CCNB3: variants seen among roughly 807,000 people sequenced by gnomAD.
The protein encoded by CCNB3 is G2/mitotic-specific cyclin-B3.
Under a neutral mutation model 68.0 loss-of-function variants are expected in CCNB3, and 12 were observed. The ratio of observed to expected loss-of-function variants is 0.18; its 90% CI spans 0.11 to 0.29. CCNB3 has a LOEUF of 0.29. Among genes scored for constraint, CCNB3 ranks in the 10% least tolerant of loss-of-function variants. The pLI is 1.00. For missense variants in CCNB3, 904 were observed against 993.1 expected (o/e 0.91, Z 1.21); for synonymous variants, 354 against 388.9 (o/e 0.91, Z 1.06).
At position 50,207,357 on chromosome X, in the gene CCNB3, A is replaced by G. The variant is rs782627646; in HGVS notation, c.-113+2407A>G. Reference sequence around the variant, plus strand: ...TCACCTAGTGAATTTATAAATTCACATATCACATTCTGCCTTGTGGTGTAT... The same window carrying G: ...TCACCTAGTGAATTTATAAATTCACGTATCACATTCTGCCTTGTGGTGTAT... On this transcript the variant is annotated intron_variant, in intron 1 of 12. Coordinates refer to ENST00000376042, the MANE Select transcript of CCNB3 (RefSeq NM_033031.3). Among the ~76,000 whole-genome samples the G allele has an allele frequency of 2.7e-5, 3 of 112,167 alleles. No individual in the cohort carries two copies. In the East Asian group the frequency reaches 8.4e-4, roughly 31 times the overall value.
intron 9 of CCNB3, among the ~76,000 whole-genome samples, chrX:50,345,423 G>T (rs905849120): frequency 9.9e-6 from 1 of 100,876 alleles, no homozygotes; most frequent in Non-Finnish European, 2.0e-5. Context: ...TCCCTCCCTC[G>T]GTGGCTTGCT....
At chrX:50,280,274 T>G (rs1936112232) in intron 1 of CCNB3, among the ~76,000 whole-genome samples, 1 of 98,710 alleles carries the variant, frequency 1.0e-5, no homozygotes, top group African/African-American at 3.6e-5. Flanking sequence ...AATATAGATA[T>G]AAATATATGT....
At chrX:50,342,454 A>G (rs1191591057) in intron 9 of CCNB3, 115 bp downstream of exon 9, 3 of 742,598 alleles carry the variant, frequency 4.0e-6, no homozygotes, top group East Asian at 3.6e-5. Flanking sequence ...GTTTTGGTCA[A>G]TGATGGACTG....
chrX:50,312,320 G>A (rs782652693), intron 6 of CCNB3, among the ~76,000 whole-genome samples: 7 of 111,040 alleles, frequency 6.3e-5, no homozygotes, highest in Non-Finnish European at 1.1e-4. Flanking sequence ...CTAGGGCAGC[G>A]AAGGTATATA....
chrX:50,346,358 C>T (rs1443795586), intron 9 of CCNB3, among the ~76,000 whole-genome samples: 1 of 112,203 alleles, frequency 8.9e-6, no homozygotes, highest in Non-Finnish European at 1.9e-5. Context: ...ATGGCTGCTC[C>T]TAGGCCCTGT....
chrX:50,286,492 G>A (rs1046004310), intron 3 of CCNB3, among the ~76,000 whole-genome samples: 6 of 110,369 alleles, frequency 5.4e-5, no homozygotes, highest in African/African-American at 2.0e-4. Context: ...TAGAGACGGG[G>A]TTTCACCATC....
rs147148803 is a variant in CCNB3, at chrX:50,298,871, G to T, written c.335+3878G>T. Among the ~76,000 whole-genome samples, 3 of 111,957 alleles carry T rather than the reference G, an allele frequency of 2.7e-5. No individual in the cohort carries two copies. The East Asian group carries it at 8.4e-4, about 31-fold the overall frequency. On this transcript the variant is annotated intron_variant, in intron 5 of 12. Transcript: ENST00000376042. Reference sequence around the variant, plus strand: ...CTGATTTAGTCTTGGGAGAGTGTATGTGTCGAAAAATTTATCCATTTCTTC... The same window carrying T: ...CTGATTTAGTCTTGGGAGAGTGTATTTGTCGAAAAATTTATCCATTTCTTC...
chrX:50,335,117 C>A (rs1442621525), intron 8 of CCNB3, among the ~76,000 whole-genome samples: 2 of 111,759 alleles, frequency 1.8e-5, no homozygotes, highest in Non-Finnish European at 3.8e-5. Context: ...TGGAGCAAGC[C>A]TAGGTCTTTA....
intron 1 of CCNB3, among the ~76,000 whole-genome samples, chrX:50,226,872 G>T (rs1935845284): frequency 1.4e-5 from 1 of 70,764 alleles, no homozygotes; most frequent in Admixed American, 2.2e-4. Context: ...AGAATATATA[G>T]AATATATATA....
intron 8 of CCNB3, among the ~76,000 whole-genome samples, chrX:50,340,486 G>A (rs141763856): frequency 0.018 from 1,981 of 112,012 alleles, 17 homozygotes; most frequent in Middle Eastern, 0.037. Flanking sequence ...AGATTGGATG[G>A]GACTCTTGTG....
rs969118929 is a variant in CCNB3, at chrX:50,316,913, C to A, written c.3516+2965C>A. Among the ~76,000 whole-genome samples the A allele has an allele frequency of 6.2e-4, 70 of 112,268 alleles. 1 individual carries two copies. Among genetic ancestry groups the A allele is most frequent in the African/African-American group, 2.1e-3 (64 of 30,932 alleles). On this transcript the variant is annotated intron_variant, in intron 8 of 12. Coordinates refer to ENST00000376042, the MANE Select transcript of CCNB3 (RefSeq NM_033031.3). The stretch of plus-strand genomic sequence containing the variant: ...GTGAAAAGAACTGTACATTAATGTA[C>A]AGGTTTTTATGTGAAGATATGTTTT...
Position 50,308,942 on chromosome X carries a change from A to G in CCNB3, c.773A>G (p.Glu258Gly). ...GCTGTGCAGGATGTCAATATGGAAGAGGATTCCTTCTTTATGGAGTCAATG... is the reference window on the plus strand; with the variant it reads ...GCTGTGCAGGATGTCAATATGGAAGGGGATTCCTTCTTTATGGAGTCAATG... ...SLAVQDVNME[E>G]DSFFMESMSF... The change falls in exon 6 of 13, where the codon GAG becomes GGG. Residue 258 changes from glutamate to glycine, a missense_variant. Physicochemically the swap from Glu to Gly is moderately conservative, Grantham distance 98 (BLOSUM62 -2). Around this residue, in one of 2 missense-constraint regions of CCNB3, gnomAD observed 619 missense variants for 609.8 expected, o/e 1.02. Coordinates refer to ENST00000376042, the MANE Select transcript of CCNB3 (RefSeq NM_033031.3). 1 of 1,211,732 alleles carries G rather than the reference A, an allele frequency of 8.3e-7. No individual in the cohort carries two copies. Among genetic ancestry groups the G allele is most frequent in the Non-Finnish European group, 1.1e-6 (1 of 895,387 alleles).
intron 8 of CCNB3, 133 bp downstream of exon 8, chrX:50,314,081 C>A: frequency 2.3e-6 from 1 of 440,985 alleles, no homozygotes; most frequent in Non-Finnish European, 4.0e-6. Context: ...TCAAGGAGCT[C>A]ATGATTTAGG....
At chrX:50,212,445 A>G (rs1215792545) in intron 1 of CCNB3, among the ~76,000 whole-genome samples, 3 of 111,956 alleles carry the variant, frequency 2.7e-5, no homozygotes, top group African/African-American at 9.7e-5. Context: ...TCTTCAATGT[A>G]ACAGTTTTTA....
chrX:50,327,449 G>C (rs1437831794), intron 8 of CCNB3, among the ~76,000 whole-genome samples: 3 of 111,956 alleles, frequency 2.7e-5, no homozygotes, highest in Non-Finnish European at 5.6e-5. Flanking sequence ...AATATTTATT[G>C]ACTCTAGATT....
intron 4 of CCNB3, among the ~76,000 whole-genome samples, chrX:50,293,008 C>T (rs960722695): frequency 3.6e-5 from 4 of 111,725 alleles, no homozygotes; most frequent in Non-Finnish European, 7.5e-5. Context: ...GCAGACAGAG[C>T]TAGGAAATAT....
At chrX:50,318,445 G>A (rs1211123061) in intron 8 of CCNB3, among the ~76,000 whole-genome samples, 10 of 110,942 alleles carry the variant, frequency 9.0e-5, no homozygotes, top group Non-Finnish European at 1.3e-4. Flanking sequence ...CCTGGGAGGC[G>A]GAAGTTACAG....
chrX:50,279,216 ATAT>A (rs1936022624), intron 1 of CCNB3, among the ~76,000 whole-genome samples: 1 of 64,654 alleles, frequency 1.5e-5, no homozygotes, highest in African/African-American at 7.1e-5. Flanking sequence ...TAGAGTATAT[ATAT>A]TCATATATAA....
intron 5 of CCNB3, among the ~76,000 whole-genome samples, chrX:50,299,057 A>G (rs1202474361): frequency 1.8e-5 from 2 of 111,016 alleles, no homozygotes; most frequent in Non-Finnish European, 3.8e-5. Context: ...CGGTCTATCA[A>G]TTTTGTTGAT....
Sources: allele counts gnomAD v4.1 joint callset (sites outside exome capture counted in the v4.1 genomes callset), GRCh38; gene constraint gnomAD v4.1.1; regional missense constraint gnomAD v4.1.1; transcripts MANE v1.5; gene names NCBI Gene and HGNC (gene_info 2026-07-23, HGNC 2026-07-21).